Variants in FRAS1 observed in about 807,000 individuals in gnomAD.
FRAS1 encodes extracellular matrix organizing protein FRAS1.
Under a neutral mutation model 435.2 loss-of-function variants are expected in FRAS1, and 290 were observed. The ratio of observed to expected loss-of-function variants is 0.67; its 90% CI spans 0.61 to 0.73. The LOEUF is 0.73. Ranked by LOEUF, FRAS1 falls within the 30% of genes least tolerant of loss-of-function variation. FRAS1 has a pLI of 0.00. For synonymous variants in FRAS1, 1,800 were observed against 1,851.0 expected (o/e 0.97, Z 0.71); for missense variants, 4,860 against 5,001.5 (o/e 0.97, Z 0.85).
At chr4:78,487,655 A>T (rs1237175698) in intron 58 of FRAS1, among the ~76,000 whole-genome samples, 1 of 152,176 alleles carries the variant, frequency 6.6e-6, no homozygotes, top group East Asian at 1.9e-4. Flanking sequence ...AGAATTCTGG[A>T]GTTGGGAGGA....
chr4:78,430,322 C>G lies in FRAS1; in HGVS notation c.4874C>G (p.Thr1625Arg), dbSNP rs770386832. Residue 1625 changes from threonine to arginine, a missense_variant, in exon 37 of 74, where the codon ACA (threonine) becomes AGA (arginine). Thr to Arg is a moderately conservative substitution (Grantham distance 71, BLOSUM62 -1). Coordinates refer to ENST00000512123, the MANE Select transcript of FRAS1 (RefSeq NM_025074.7). ...GLQVVVRDAE[T>R]APKELFFELR... is the part of the protein sequence containing the mutation. ...CAGGTGGTAGTAAGAGATGCTGAGACAGCGCCCAAAGAACTCTTCTTTGAG... is the reference window on the plus strand; with the variant it reads ...CAGGTGGTAGTAAGAGATGCTGAGAGAGCGCCCAAAGAACTCTTCTTTGAG... 6.2e-6 allele frequency: 10 copies of G among 1,613,826 alleles called. No individual in the cohort carries two copies. Among genetic ancestry groups the G allele is most frequent in the Non-Finnish European group, 8.5e-6 (10 of 1,179,876 alleles).
chr4:78,346,828 A>G (rs950779356), intron 20 of FRAS1, among the ~76,000 whole-genome samples: 1 of 151,956 alleles, frequency 6.6e-6, no homozygotes, highest in Non-Finnish European at 1.5e-5. Flanking sequence ...CCCAGAGCCC[A>G]TCTGCCTTCC....
chr4:78,116,615 G>A (rs1437715286), intron 2 of FRAS1, among the ~76,000 whole-genome samples: 1 of 152,058 alleles, frequency 6.6e-6, no homozygotes, highest in Non-Finnish European at 1.5e-5. Context: ...GATCTTTCTT[G>A]GTTTAAAGTC....
At chr4:78,456,142 T>TTTTTTTTC (rs1719190133) in intron 47 of FRAS1, among the ~76,000 whole-genome samples, 1 of 42,472 alleles carries the variant, frequency 2.4e-5, no homozygotes, top group African/African-American at 4.3e-5. Context: ...ATGTCACTTT[T>TTTTTTTTC]TTTTTTTTTT....
At chr4:78,115,690 T>G (rs1225091692) in intron 2 of FRAS1, among the ~76,000 whole-genome samples, 1 of 152,216 alleles carries the variant, frequency 6.6e-6, no homozygotes, top group African/African-American at 2.4e-5. Context: ...CTTTTTCATT[T>G]TTTATTGCAT....
intron 2 of FRAS1, among the ~76,000 whole-genome samples, chr4:78,204,535 T>C (rs1201202393): frequency 1.3e-5 from 2 of 152,206 alleles, no homozygotes; most frequent in Non-Finnish European, 2.9e-5. Flanking sequence ...GGCGTAATTA[T>C]CAAAGAGATT....
At chr4:78,076,367 G>A (rs1428843868) in intron 2 of FRAS1, among the ~76,000 whole-genome samples, 2 of 152,104 alleles carry the variant, frequency 1.3e-5, no homozygotes, top group Admixed American at 1.3e-4. Flanking sequence ...ATCCTGAGGT[G>A]GTGATGTAAT....
intron 14 of FRAS1, among the ~76,000 whole-genome samples, chr4:78,305,691 CT>C (rs1373946891): frequency 1.3e-5 from 2 of 151,328 alleles, no homozygotes; most frequent in South Asian, 2.1e-4. Context: ...CAACCCCTGC[CT>C]TTTTTTGTTT....
At chr4:78,526,497 A>G (rs1721538885) in intron 69 of FRAS1, 44 bp from the exon 70 acceptor site, 3 of 1,313,168 alleles carry the variant, frequency 2.3e-6, no homozygotes, top group Admixed American at 2.1e-5. Flanking sequence ...CCAGCAACCT[A>G]TCAGTTGTTC....
Position 78,472,289 on chromosome 4 carries a change from A to G in FRAS1, c.7481A>G (p.Asn2494Ser). Residue 2494 changes from asparagine to serine, a missense_variant, in exon 52 of 74, where the codon AAC (asparagine) becomes AGC (serine). Physicochemically the swap from Asn to Ser is conservative, Grantham distance 46 (BLOSUM62 1). Transcript: ENST00000512123. ...GGCCCTAAGCATGGCTTTGTGGAGAACAAGCTGCAGCCTGGCAGAGCTGCT... is the reference window on the plus strand; with the variant it reads ...GGCCCTAAGCATGGCTTTGTGGAGAGCAAGCTGCAGCCTGGCAGAGCTGCT... Reference protein sequence around the residue: ...TTGPKHGFVENKLQPGRAAAT... With the variant: ...TTGPKHGFVESKLQPGRAAAT... 3 of 1,611,440 alleles carry G rather than the reference A, an allele frequency of 1.9e-6. No homozygotes were observed. The highest frequency in any genetic ancestry group is 2.5e-6 in the Non-Finnish European group (3 of 1,178,320).
chr4:78,496,763 T>G (rs776311383), intron 59 of FRAS1, 42 bp from the exon 60 acceptor site: 1 of 1,560,190 alleles, frequency 6.4e-7, no homozygotes, highest in South Asian at 1.2e-5. Flanking sequence ...ATCACTGATA[T>G]CTTGCTGAAA....
chr4:78,375,870 A>G lies in FRAS1; in HGVS notation c.3283A>G (p.Thr1095Ala). 1 of 1,613,814 alleles carries G rather than the reference A, an allele frequency of 6.2e-7. No individual in the cohort carries two copies. Residue 1095 changes from threonine (T) to alanine (A), a missense_variant, in exon 26 of 74, where the codon ACA (threonine) becomes GCA (alanine). Coordinates refer to ENST00000512123, the MANE Select transcript of FRAS1 (RefSeq NM_025074.7). ...PGFSVHTSNE[T>A]CSGKIHTPSL... ...CTTTTCTGTCCACACCTCTAATGAA[A>G]CATGTTCTGGTAAGTGCTTCTCCTC...
chr4:78,220,888 A>G (rs1724022839), intron 2 of FRAS1, among the ~76,000 whole-genome samples: 1 of 152,198 alleles, frequency 6.6e-6, no homozygotes, highest in Non-Finnish European at 1.5e-5. Context: ...TTATTAAAAA[A>G]TAATACAGGC....
chr4:78,448,303 A>G lies in FRAS1; in HGVS notation c.6261A>G (p.Leu2087=), dbSNP rs1012904768. The change falls in exon 44 of 74, where the codon CTA becomes CTG. Residue 2087 remains leucine (L), a synonymous_variant. Transcript: ENST00000512123. ...CTCACTTGGCTATAAACCAAGGCCT[A>G]CAGCTCTCAGCAGGTACCACAGAAA... is the stretch of plus-strand genomic sequence containing the variant. The part of the protein sequence containing the change: ...DTPHLAINQG[L]QLSAGSVARI... 5.0e-6 allele frequency: 8 copies of G among 1,608,868 alleles called. No individual in the cohort carries two copies. Among genetic ancestry groups the G allele is most frequent in the East Asian group, 2.2e-5 (1 of 44,810 alleles).
intron 2 of FRAS1, among the ~76,000 whole-genome samples, chr4:78,088,521 C>G (rs1275802679): frequency 6.6e-6 from 1 of 152,048 alleles, no homozygotes; most frequent in Non-Finnish European, 1.5e-5. Context: ...ATTTTTGCCA[C>G]CTACTCATCT....
intron 20 of FRAS1, among the ~76,000 whole-genome samples, chr4:78,346,571 A>G (rs557044758): frequency 6.6e-6 from 1 of 152,034 alleles, no homozygotes; most frequent in African/African-American, 2.4e-5. Context: ...ACATCATTTT[A>G]TTCACTTCCT....
chr4:78,333,696 A>T (rs1730037281), intron 19 of FRAS1, among the ~76,000 whole-genome samples: 1 of 152,240 alleles, frequency 6.6e-6, no homozygotes, highest in Admixed American at 6.5e-5. Flanking sequence ...GAAGACAATG[A>T]TCTGAATAAA....
At chr4:78,312,179 CATAT>C (rs10526590) in intron 15 of FRAS1, among the ~76,000 whole-genome samples, 3 of 128,618 alleles carry the variant, frequency 2.3e-5, no homozygotes, top group Admixed American at 7.6e-5. Flanking sequence ...ATCTGAAGTC[CATAT>C]ATATATATAT....
intron 1 of FRAS1, among the ~76,000 whole-genome samples, chr4:78,065,266 C>A: frequency 6.8e-6 from 1 of 147,406 alleles, no homozygotes; most frequent in East Asian, 2.0e-4. Flanking sequence ...TATGTATATA[C>A]TATATATGTA....
Sources: allele counts gnomAD v4.1 joint callset (sites outside exome capture counted in the v4.1 genomes callset), GRCh38; gene constraint gnomAD v4.1.1; transcripts MANE v1.5; gene names NCBI Gene and HGNC (gene_info 2026-07-23, HGNC 2026-07-21).